Variants in RALGPS1 observed in about 807,000 individuals in gnomAD.
RALGPS1 encodes the protein Ral GEF with PH domain and SH3 binding motif 1.
A neutral mutation model predicts 78.8 loss-of-function variants in RALGPS1; 19 were observed. The observed-to-expected ratio is 0.24, with a 90% CI of 0.17 to 0.35. The LOEUF (loss-of-function observed/expected upper bound fraction) is 0.35, where lower values mean the gene tolerates loss of function less well. Among genes scored for constraint, RALGPS1 ranks in the 10% least tolerant of loss-of-function variants. The pLI is 1.00. For missense variants in RALGPS1, 454 were observed against 688.3 expected, an observed-to-expected ratio of 0.66 and a Z score of 3.81; for synonymous variants, 228 against 256.3, an observed-to-expected ratio of 0.89 and a Z score of 1.06.
chr9:127,154,687 C>T (rs1438677769), intron 8 of RALGPS1, among the ~76,000 whole-genome samples: 1 of 152,214 alleles, frequency 6.6e-6, no homozygotes, highest in Non-Finnish European at 1.5e-5. Flanking sequence ...ATGAGTAAAG[C>T]TGACAGTTTT....
chr9:127,043,111 A>G (rs1290778665), intron 5 of RALGPS1, among the ~76,000 whole-genome samples: 1 of 152,226 alleles, frequency 6.6e-6, no homozygotes, highest in African/African-American at 2.4e-5. Context: ...TGATCAATAG[A>G]TCCAGTGCAA....
rs2062817918 is a variant in RALGPS1, at chr9:127,223,130, TTTG to T, written c.*4364_*4366del. 1 of 152,692 alleles carries T rather than the reference TTTG, an allele frequency of 6.5e-6. No homozygotes were observed. Among genetic ancestry groups the T allele is most frequent in the African/African-American group, 2.4e-5 (1 of 41,470 alleles). The allele number at this position is 152,692 out of a possible 1,614,324, so 9.5% of individuals were successfully genotyped here. A position where few individuals can be genotyped will look rare whatever the true frequency, so the allele number is the denominator to read the frequency against. ...TTAAATACTTTAATGTACAAACATC[TTTG>T]TTTACTTTGAAATTAAATGTGTTTT... On this transcript the variant is annotated 3_prime_UTR_variant, in exon 19 of 19. Coordinates refer to ENST00000259351, the MANE Select transcript of RALGPS1 (RefSeq NM_014636.3).
intron 5 of RALGPS1, among the ~76,000 whole-genome samples, chr9:127,035,767 G>A (rs922256205): frequency 4.6e-5 from 7 of 152,118 alleles, no homozygotes; most frequent in Non-Finnish European, 1.0e-4. Flanking sequence ...AGATATAGTA[G>A]GAACCAAGAA....
chr9:126,954,232 T>G (rs1424834125), intron 1 of RALGPS1, among the ~76,000 whole-genome samples: 1 of 152,166 alleles, frequency 6.6e-6, no homozygotes, highest in Non-Finnish European at 1.5e-5. Flanking sequence ...TACTCATTCA[T>G]AACAGCCTCA....
intron 7 of RALGPS1, among the ~76,000 whole-genome samples, chr9:127,058,090 G>A (rs979581925): frequency 6.6e-6 from 1 of 152,172 alleles, no homozygotes; most frequent in Non-Finnish European, 1.5e-5. Flanking sequence ...CAAGATGAGG[G>A]GATGAGTGTT....
At chr9:127,107,830 C>G in intron 8 of RALGPS1, 1 of 1,406,948 alleles carries the variant, frequency 7.1e-7, no homozygotes, top group African/African-American at 1.4e-5. Context: ...CTGGCCATGG[C>G]TTTTCCCCAT....
intron 8 of RALGPS1, among the ~76,000 whole-genome samples, chr9:127,103,182 A>G (rs1464045277): frequency 1.3e-5 from 2 of 152,216 alleles, no homozygotes; most frequent in East Asian, 1.9e-4. Flanking sequence ...AAAACATACC[A>G]TTGTGCTGGG....
chr9:127,185,661 T>C (rs1047970125), intron 11 of RALGPS1, among the ~76,000 whole-genome samples: 16 of 152,388 alleles, frequency 1.0e-4, no homozygotes, highest in African/African-American at 3.6e-4. Context: ...GTTGTAGTTA[T>C]ACTACTGGTG....
intron 8 of RALGPS1, among the ~76,000 whole-genome samples, chr9:127,070,303 A>G (rs968402819): frequency 1.3e-5 from 2 of 152,320 alleles, no homozygotes; most frequent in South Asian, 2.1e-4. Flanking sequence ...CCAGTTCCTA[A>G]TAAGGAGTTG....
chr9:127,169,160 C>T (rs891460899), intron 10 of RALGPS1, among the ~76,000 whole-genome samples: 1 of 152,240 alleles, frequency 6.6e-6, no homozygotes, highest in African/African-American at 2.4e-5. Context: ...GTGACTCCCC[C>T]ACCCACAGTG....
chr9:127,041,750 A>G (rs2047342525), intron 5 of RALGPS1, among the ~76,000 whole-genome samples: 1 of 152,096 alleles, frequency 6.6e-6, no homozygotes, highest in Non-Finnish European at 1.5e-5. Context: ...ACTCAGGGAG[A>G]AGGTCATCAA....
intron 4 of RALGPS1, among the ~76,000 whole-genome samples, chr9:126,999,017 G>A (rs1258501203): frequency 8.1e-4 from 3 of 3,712 alleles, no homozygotes; most frequent in African/African-American, 1.6e-3. Flanking sequence ...GGGGACTGTT[G>A]TTGGGTGGGG....
At chr9:127,115,180 AATTATT>A (rs112610239) in intron 8 of RALGPS1, among the ~76,000 whole-genome samples, 3 of 151,206 alleles carry the variant, frequency 2.0e-5, no homozygotes, top group South Asian at 2.1e-4. Context: ...TGTCTTACGT[AATTATT>A]ATTATTATTA....
chr9:126,927,605 ACT>A lies in RALGPS1; in HGVS notation c.-66+12633_-66+12634del, dbSNP rs147655001. Among the ~76,000 whole-genome samples the A allele has an allele frequency of 2.7e-3, 414 of 152,090 alleles. 2 individuals carry two copies. The highest frequency in any genetic ancestry group is 9.3e-3 in the African/African-American group (387 of 41,486). On this transcript the variant is annotated intron_variant, in intron 1 of 18. Coordinates refer to ENST00000259351, the MANE Select transcript of RALGPS1 (RefSeq NM_014636.3). ...TTACCTTTGTTGTCGTGTGCAGAAG[ACT>A]CTGAAAGAGGCTGTTTGCTGCAGAC...
intron 11 of RALGPS1, among the ~76,000 whole-genome samples, chr9:127,192,657 CA>C (rs919021980): frequency 2.7e-5 from 4 of 148,168 alleles, no homozygotes; most frequent in Non-Finnish European, 6.0e-5. Context: ...GACCCTGTGT[CA>C]AAAAAAAAGA....
In RALGPS1 at chr9:127,221,471, T is replaced by A. The variant is rs150878407; in HGVS notation, c.*2702T>A. 5 of 152,314 alleles carry A rather than the reference T, an allele frequency of 3.3e-5. No individual in the cohort carries two copies. Among genetic ancestry groups the A allele is most frequent in the African/African-American group, 1.2e-4 (5 of 41,578 alleles). 9.4% of individuals were successfully genotyped at this position (152,314 alleles called of 1,614,324 possible). Reference sequence around the variant, plus strand: ...GTAACATTGTTGTCTCAAGAACAACTCACCTCTCTCCCTAGGACTAATTTT... The same window carrying A: ...GTAACATTGTTGTCTCAAGAACAACACACCTCTCTCCCTAGGACTAATTTT... On this transcript the variant is annotated 3_prime_UTR_variant, in exon 19 of 19. Transcript: ENST00000259351.
chr9:127,077,144 G>T (rs554135104), intron 8 of RALGPS1, among the ~76,000 whole-genome samples: 15 of 152,224 alleles, frequency 9.9e-5, no homozygotes, highest in African/African-American at 3.4e-4. Context: ...TTTAAGCAAG[G>T]GCATGCTGGG....
chr9:127,144,436 A>T (rs191876915), intron 8 of RALGPS1, among the ~76,000 whole-genome samples: 79 of 152,336 alleles, frequency 5.2e-4, no homozygotes, highest in African/African-American at 1.9e-3. Context: ...AACACATCAA[A>T]CTTACGATTT....
intron 4 of RALGPS1, among the ~76,000 whole-genome samples, chr9:127,022,302 T>C (rs2045532512): frequency 6.6e-6 from 1 of 152,142 alleles, no homozygotes; most frequent in Admixed American, 6.5e-5. Context: ...TATTTCAAAT[T>C]ACCAAAGTGA....
Sources: allele counts gnomAD v4.1 joint callset (sites outside exome capture counted in the v4.1 genomes callset), GRCh38; gene constraint gnomAD v4.1.1; transcripts MANE v1.5; gene names NCBI Gene and HGNC (gene_info 2026-07-23, HGNC 2026-07-21).